CYP2J2: variants seen among roughly 807,000 people sequenced by gnomAD.
CYP2J2 encodes cytochrome P450 2J2.
A neutral mutation model predicts 48.8 loss-of-function variants in CYP2J2; 41 were observed. That is an observed-to-expected ratio of 0.84 (90% confidence interval 0.66 to 1.09). CYP2J2 has a LOEUF of 1.09. Among genes scored for constraint, CYP2J2 ranks in the 50% least tolerant of loss-of-function variants. The pLI, the probability that CYP2J2 is intolerant of heterozygous loss-of-function variation, is 0.00. For missense variants in CYP2J2, 644 were observed against 617.3 expected (o/e 1.04, Z -0.46); for synonymous variants, 221 against 227.1 (o/e 0.97, Z 0.24).
At chr1:59,965,559 G>T in the CYP2J2 span, among the ~76,000 whole-genome samples, 8 of 152,212 alleles carry the variant, frequency 5.3e-5, no homozygotes, top group Admixed American at 5.2e-4. Flanking sequence ...TCCTGCACTT[G>T]CTGTGTGGTT....
At chr1:59,908,019 T>TTTCTTCCAAATGTCC in intron 5 of CYP2J2, 92 bp from the exon 6 acceptor site, 1 of 1,325,670 alleles carries the variant, frequency 7.5e-7, no homozygotes, top group Non-Finnish European at 1.1e-6. Context: ...AGGAGGACAT[T>TTTCTTCCAAATGTCC]TGGAAGAAAA....
intron 1 of CYP2J2, among the ~76,000 whole-genome samples, chr1:59,922,520 G>C (rs1644525850): frequency 6.6e-6 from 1 of 152,100 alleles, no homozygotes; most frequent in Non-Finnish European, 1.5e-5. Context: ...AATGATGACA[G>C]TGTGATAAGA....
intron 2 of CYP2J2, 197 bp from the exon 3 acceptor site, chr1:59,912,508 T>C (rs958782498): frequency 7.1e-6 from 4 of 566,070 alleles, no homozygotes; most frequent in South Asian, 2.5e-5. Flanking sequence ...GGCACTTTAA[T>C]ATGCATTTTG....
chr1:59,893,944 C>T (rs1644247159), intron 8 of CYP2J2, 115 bp from the exon 9 acceptor site: 4 of 983,090 alleles, frequency 4.1e-6, no homozygotes, highest in South Asian at 1.9e-5. Flanking sequence ...GGCCTGTAGG[C>T]CCCAGGGTGT....
In CYP2J2 at chr1:59,923,527, C is replaced by T. The variant is rs915606891; in HGVS notation, c.210+3010G>A. 6.6e-5 allele frequency among the ~76,000 whole-genome samples: 10 copies of T among 152,224 alleles called. No homozygotes were observed. In the South Asian group the frequency reaches 2.1e-3, roughly 32 times the overall value. On this transcript the variant is annotated intron_variant, in intron 1 of 8. Transcript: ENST00000371204. The stretch of plus-strand genomic sequence containing the variant: ...AGAATAATTAAATATTTAAAAGCAG[C>T]TGTTATAAAGCTTTTCCAATAACTA...
chr1:59,961,845 A>T, the CYP2J2 span, among the ~76,000 whole-genome samples: 2 of 152,158 alleles, frequency 1.3e-5, no homozygotes, highest in Admixed American at 1.3e-4. Context: ...AAATGCTGCA[A>T]AATAAATAAA....
At chr1:59,893,908 T>TC in intron 8 of CYP2J2, 79 bp from the exon 9 acceptor site, 1 of 1,396,286 alleles carries the variant, frequency 7.2e-7, no homozygotes, top group Non-Finnish European at 9.7e-7. Context: ...CTCAATCATA[T>TC]CCCCAAAAAA....
At chr1:59,944,474 T>C in the CYP2J2 span, among the ~76,000 whole-genome samples, 1 of 152,232 alleles carries the variant, frequency 6.6e-6, no homozygotes, top group African/African-American at 2.4e-5. Flanking sequence ...CTGCCCACCT[T>C]GGCCTCCCAA....
chr1:59,918,487 A>T (rs1483262607), intron 1 of CYP2J2, among the ~76,000 whole-genome samples: 3 of 152,338 alleles, frequency 2.0e-5, no homozygotes, highest in African/African-American at 7.2e-5. Context: ...GTATGGTATT[A>T]TCAACTGTTT....
At chr1:59,902,604 C>T (rs867236667) in intron 7 of CYP2J2, among the ~76,000 whole-genome samples, 41 of 152,048 alleles carry the variant, frequency 2.7e-4, no homozygotes, top group Middle Eastern at 6.8e-3. Context: ...TTAGTAGAGA[C>T]GGTTTTCACC....
intron 8 of CYP2J2, among the ~76,000 whole-genome samples, chr1:59,897,822 C>A (rs552079742): frequency 4.9e-4 from 74 of 152,290 alleles, no homozygotes; most frequent in African/African-American, 1.7e-3. Context: ...GCTGTTACAT[C>A]TTCTAAAGTG....
the CYP2J2 span, among the ~76,000 whole-genome samples, chr1:59,946,983 AT>A: frequency 2.1e-4 from 31 of 151,182 alleles, no homozygotes; most frequent in Non-Finnish European, 7.4e-5. Context: ...AACTAATTTA[AT>A]TTGAGGAAGA....
Position 59,893,580 on chromosome 1 carries a change from G to T in CYP2J2, c.*71C>A. On this transcript the variant is annotated 3_prime_UTR_variant, in exon 9 of 9. Coordinates refer to ENST00000371204, the MANE Select transcript of CYP2J2 (RefSeq NM_000775.4). ...TTTCATTTTGTCCCAACACATCTGA[G>T]CAGACACCAGTGGTTTCAGAACACG... 8.4e-7 allele frequency: 1 copy of T among 1,195,856 alleles called. No individual in the cohort carries two copies. Among genetic ancestry groups the T allele is most frequent in the Non-Finnish European group, 1.2e-6 (1 of 853,080 alleles). 74.1% of individuals were successfully genotyped at this position (1,195,856 alleles called of 1,614,324 possible).
At chr1:59,902,235 C>T (rs1644326324) in intron 7 of CYP2J2, among the ~76,000 whole-genome samples, 1 of 152,074 alleles carries the variant, frequency 6.6e-6, no homozygotes, top group Non-Finnish European at 1.5e-5. Context: ...TTTTACAGAC[C>T]ACAGTGAGTT....
At chr1:59,920,426 A>G (rs762016292) in intron 1 of CYP2J2, among the ~76,000 whole-genome samples, 9 of 152,062 alleles carry the variant, frequency 5.9e-5, no homozygotes, top group Non-Finnish European at 1.2e-4. Context: ...TCAAGAAGCT[A>G]ACAATCTAAT....
At chr1:59,918,633 G>C (rs1312837177) in intron 1 of CYP2J2, among the ~76,000 whole-genome samples, 2 of 151,342 alleles carry the variant, frequency 1.3e-5, no homozygotes, top group African/African-American at 4.9e-5. Flanking sequence ...TGTAAGGCAG[G>C]GCACACTTTT....
chr1:59,897,249 G>T (rs943773202), intron 8 of CYP2J2, among the ~76,000 whole-genome samples: 4 of 152,072 alleles, frequency 2.6e-5, no homozygotes, highest in African/African-American at 9.7e-5. Context: ...TATCCTAAAA[G>T]AATCCATATA....
chr1:59,968,878 G>T, the CYP2J2 span, among the ~76,000 whole-genome samples: 2 of 152,214 alleles, frequency 1.3e-5, no homozygotes, highest in African/African-American at 2.4e-5. Context: ...GAGTGTTATA[G>T]CTCTTAAGGT....
the CYP2J2 span, among the ~76,000 whole-genome samples, chr1:59,969,184 C>G: frequency 6.6e-6 from 1 of 152,202 alleles, no homozygotes; most frequent in Non-Finnish European, 1.5e-5. Context: ...ACAAAACTTC[C>G]ACAGTATGAA....
Sources: allele counts gnomAD v4.1 joint callset (sites outside exome capture counted in the v4.1 genomes callset), GRCh38; gene constraint gnomAD v4.1.1; transcripts MANE v1.5; gene names NCBI Gene and HGNC (gene_info 2026-07-23, HGNC 2026-07-21).